Variants in USP30 observed in about 807,000 individuals in gnomAD.
The protein encoded by USP30 is ubiquitin specific peptidase 30, also known as ubiquitin carboxyl-terminal hydrolase 30.
In USP30, 41 loss-of-function variants were observed where a neutral mutation model predicts 68.2. The observed-to-expected ratio is 0.60, with a 90% CI of 0.47 to 0.78. The LOEUF (loss-of-function observed/expected upper bound fraction) is 0.78. Ranked by LOEUF, USP30 falls within the 30% of genes least tolerant of loss-of-function variation. The pLI is 0.00. For synonymous variants in USP30, 229 were observed against 253.7 expected, an observed-to-expected ratio of 0.90 and a Z score of 0.93; for missense variants, 522 against 649.4, an observed-to-expected ratio of 0.80 and a Z score of 2.13.
rs2041389623 is a variant in USP30 at position 109,070,106 on chromosome 12, G to A, written c.481-1506G>A. Among the ~76,000 whole-genome samples, 1 of 152,078 alleles carries A rather than the reference G, an allele frequency of 6.6e-6. No individual in the cohort carries two copies. On this transcript the variant is annotated intron_variant, in intron 4 of 12. Transcript: ENST00000257548. This position sits in a 1 kb window ranked among gnomAD's most constrained non-coding sequence, Gnocchi z 4.0. ...GGAGCCACTAGAGGACTTTGAACTGGGGACTGGTTTGATCTGACTTGTTAG... is the reference window on the plus strand; with the variant it reads ...GGAGCCACTAGAGGACTTTGAACTGAGGACTGGTTTGATCTGACTTGTTAG...
intron 3 of USP30, among the ~76,000 whole-genome samples, chr12:109,066,497 A>G (rs2135753498): frequency 6.6e-6 from 1 of 152,258 alleles, no homozygotes; most frequent in Admixed American, 6.5e-5. Context: ...AGCGTGGCCA[A>G]CATGGGGGAA....
intron 3 of USP30, among the ~76,000 whole-genome samples, chr12:109,059,386 G>C (rs2040985010): frequency 6.6e-6 from 1 of 152,106 alleles, no homozygotes; most frequent in African/African-American, 2.4e-5. Flanking sequence ...AGTTGAGACA[G>C]GGTCTTACTA....
At chr12:109,026,063 T>C (rs539602358) in intron 2 of USP30, among the ~76,000 whole-genome samples, 1 of 152,118 alleles carries the variant, frequency 6.6e-6, no homozygotes, top group African/African-American at 2.4e-5. Context: ...ATGATTCTTT[T>C]AAATAATTTT....
At chr12:109,028,284 C>A (rs1380742688) in intron 3 of USP30, among the ~76,000 whole-genome samples, 1 of 152,044 alleles carries the variant, frequency 6.6e-6, no homozygotes, top group Non-Finnish European at 1.5e-5. Flanking sequence ...TAAAGGAATA[C>A]CTGACACTGG....
At chr12:109,072,896 C>T (rs181448309) in intron 6 of USP30, among the ~76,000 whole-genome samples, 1 of 152,200 alleles carries the variant, frequency 6.6e-6, no homozygotes, top group East Asian at 1.9e-4. Context: ...CCCAATTTTC[C>T]GCACACTGAG....
At chr12:109,040,373 T>C (rs556970811) in intron 3 of USP30, among the ~76,000 whole-genome samples, 1 of 152,244 alleles carries the variant, frequency 6.6e-6, no homozygotes, top group South Asian at 2.1e-4. Context: ...GCTCAAGAGA[T>C]TTTGAGGTAG....
chr12:109,058,250 A>G (rs2040939217), intron 3 of USP30, 142 bp downstream of exon 3: 4 of 940,608 alleles, frequency 4.3e-6, no homozygotes, highest in Non-Finnish European at 6.1e-6. Flanking sequence ...CAAGAGCCCA[A>G]TAGATACAAA....
At chr12:109,080,032 C>G (rs554848034) in intron 7 of USP30, among the ~76,000 whole-genome samples, 2 of 152,320 alleles carry the variant, frequency 1.3e-5, no homozygotes, top group South Asian at 4.1e-4. Context: ...AACTCTGTCT[C>G]CCCTACATTG....
At chr12:109,080,484 C>T (rs966812046) in intron 7 of USP30, among the ~76,000 whole-genome samples, 1 of 152,216 alleles carries the variant, frequency 6.6e-6, no homozygotes, top group Admixed American at 6.5e-5. Flanking sequence ...ACCCAAGCAC[C>T]TCTGCCATCA....
Position 109,082,899 on chromosome 12 carries a change from G to T in USP30, c.1005G>T (p.Thr335=), listed in dbSNP as rs376325707. 1.2e-6 allele frequency: 2 copies of T among 1,614,108 alleles called. No homozygotes were observed. Among genetic ancestry groups the T allele is most frequent in the African/African-American group, 2.7e-5 (2 of 74,938 alleles). ...LQRLSWSSHG[T]PLKRHEHVQF... ...GGCTGAGCTGGTCCAGCCACGGCAC[G>T]CCTCTGAAGCGGCATGAGCACGTGC... Residue 335 remains threonine (T), a synonymous_variant, in exon 11 of 13, where the codon ACG becomes ACT. Transcript: ENST00000257548.
chr12:109,076,889 G>A (rs1190909241), intron 7 of USP30, among the ~76,000 whole-genome samples: 2 of 151,502 alleles, frequency 1.3e-5, no homozygotes, highest in African/African-American at 2.4e-5. Flanking sequence ...CCGCCACCAC[G>A]CCCGGCTAAT....
At chr12:109,055,390 A>ATG (rs2040821494) in intron 1 of USP30, among the ~76,000 whole-genome samples, 1 of 53,610 alleles carries the variant, frequency 1.9e-5, no homozygotes, top group Non-Finnish European at 3.4e-5. Context: ...ATATATATAT[A>ATG]TATATATATA....
intron 3 of USP30, among the ~76,000 whole-genome samples, chr12:109,043,696 C>T (rs925335594): frequency 1.3e-5 from 2 of 152,138 alleles, no homozygotes; most frequent in African/African-American, 4.8e-5. Flanking sequence ...ACACCAAAGA[C>T]ACAGGCAACA....
intron 2 of USP30, among the ~76,000 whole-genome samples, chr12:109,026,467 A>T (rs901611635): frequency 2.7e-5 from 4 of 145,804 alleles, no homozygotes; most frequent in Admixed American, 6.9e-5. Context: ...ACACAACAGA[A>T]TTTTTTTTTT....
At chr12:109,073,879 C>T (rs562271129) in intron 7 of USP30, among the ~76,000 whole-genome samples, 1 of 152,244 alleles carries the variant, frequency 6.6e-6, no homozygotes, top group South Asian at 2.1e-4. Flanking sequence ...TTTCCAACAT[C>T]ATACAAAAAG....
intron 3 of USP30, among the ~76,000 whole-genome samples, chr12:109,064,329 A>G (rs555240285): frequency 6.6e-6 from 1 of 152,252 alleles, no homozygotes; most frequent in East Asian, 1.9e-4. Flanking sequence ...CAGTGATGCA[A>G]TCTCAGCTCA....
At chr12:109,043,808 A>G (rs1404800730) in intron 3 of USP30, among the ~76,000 whole-genome samples, 1 of 152,256 alleles carries the variant, frequency 6.6e-6, no homozygotes, top group East Asian at 1.9e-4. Flanking sequence ...ATAGGAGGAT[A>G]TCTTTGAAAA....
intron 8 of USP30, chr12:109,081,621 GCGCACACA>G (rs758749468): frequency 9.7e-5 from 53 of 545,142 alleles, no homozygotes; most frequent in Middle Eastern, 4.7e-4. Flanking sequence ...GCACGCATGC[GCGCACACA>G]CACACACACA....
rs2041837697 is a variant in USP30 at position 109,082,721 on chromosome 12, T to C, written c.926T>C (p.Val309Ala). ...GTGGAACACCAGAGGACCACTTTTG[T>C]TAAACAGTTAAAACTAGGGAAGGTG... ...EKVEHQRTTFVKQLKLGKLPQ... is the reference protein window; with the variant it reads ...EKVEHQRTTFAKQLKLGKLPQ... The change falls in exon 10 of 13, where the codon GTT becomes GCT. Residue 309 changes from valine to alanine, a missense_variant. By Grantham distance (64) the Val-to-Ala change is moderately conservative. Transcript: ENST00000257548. 5.0e-6 allele frequency: 8 copies of C among 1,614,134 alleles called. No homozygotes were observed. The East Asian group carries it at 1.3e-4, about 27-fold the overall frequency.
Sources: allele counts gnomAD v4.1 joint callset (sites outside exome capture counted in the v4.1 genomes callset), GRCh38; gene constraint gnomAD v4.1.1; non-coding constraint Gnocchi (gnomAD v3.1); transcripts MANE v1.5; gene names NCBI Gene and HGNC (gene_info 2026-07-23, HGNC 2026-07-21).